Variants in KATNIP observed in about 807,000 individuals in gnomAD.
KATNIP encodes the protein katanin interacting protein.
In KATNIP, 126 loss-of-function variants were observed where a neutral mutation model predicts 174.0. The observed-to-expected ratio is 0.72, with a 90% CI of 0.63 to 0.84. The LOEUF is 0.84. Ranked by LOEUF, KATNIP falls within the 40% of genes least tolerant of loss-of-function variation. The pLI, the probability that KATNIP is intolerant of heterozygous loss-of-function variation, is 0.00. For synonymous variants in KATNIP, 810 were observed against 835.7 expected (o/e 0.97, Z 0.53); for missense variants, 1,958 against 2,109.7 (o/e 0.93, Z 1.41).
chr16:27,581,007 AC>A (rs1284901465), intron 2 of KATNIP, among the ~76,000 whole-genome samples: 1 of 152,126 alleles, frequency 6.6e-6, no homozygotes, highest in Non-Finnish European at 1.5e-5. Context: ...TGGGTGGCTC[AC>A]TTGACCCCAG....
chr16:27,628,904 A>C, intron 4 of KATNIP, 74 bp downstream of exon 4: 36 of 1,467,020 alleles, frequency 2.5e-5, no homozygotes, highest in Non-Finnish European at 3.4e-5. Flanking sequence ...GCAGTGGCTC[A>C]CACCTGTAAT....
chr16:27,551,677 G>A (rs2089375916), intron 1 of KATNIP, among the ~76,000 whole-genome samples: 1 of 152,166 alleles, frequency 6.6e-6, no homozygotes, highest in South Asian at 2.1e-4. Flanking sequence ...TTGAGGTCAG[G>A]AGTTCGAGAC....
chr16:27,767,108 A>G (rs1017395793), intron 20 of KATNIP, among the ~76,000 whole-genome samples: 3 of 152,040 alleles, frequency 2.0e-5, no homozygotes, highest in Non-Finnish European at 4.4e-5. Flanking sequence ...AGGTGACTGA[A>G]TGGGTGCCCT....
intron 10 of KATNIP, 197 bp from the exon 11 acceptor site, chr16:27,701,392 G>A: frequency 1.9e-6 from 1 of 516,946 alleles, no homozygotes; most frequent in Non-Finnish European, 3.6e-6. Context: ...GGAGCGCCCT[G>A]GTCCTCGGAA....
chr16:27,718,252 T>G (rs2143013442), intron 13 of KATNIP: 1 of 151,940 alleles, frequency 6.6e-6, no homozygotes, highest in African/African-American at 2.4e-5. Flanking sequence ...CCTCCTGGGG[T>G]TTCCAAGTGA....
Position 27,740,349 on chromosome 16 carries a change from T to A in KATNIP, c.2052T>A (p.Ser684=), listed in dbSNP as rs2081056908. The A allele has an allele frequency of 6.2e-6, 10 of 1,614,234 alleles. No homozygotes were observed. The highest frequency in any genetic ancestry group is 8.5e-6 in the Non-Finnish European group (10 of 1,180,044). The part of the protein sequence containing the change: ...QGNVSGKRKN[S]TNCRKDSLSQ... ...ATGTGTCTGGCAAAAGAAAGAATTC[T>A]ACTAATTGCAGGAAAGACAGTTTGT... The change falls in exon 15 of 28, where the codon TCT becomes TCA. Residue 684 remains serine, a synonymous_variant. Coordinates refer to ENST00000261588, the MANE Select transcript of KATNIP (RefSeq NM_015202.5).
intron 21 of KATNIP, among the ~76,000 whole-genome samples, 181 bp downstream of exon 21, chr16:27,770,199 C>T (rs562263979): frequency 6.6e-6 from 1 of 152,346 alleles, no homozygotes; most frequent in East Asian, 1.9e-4. Flanking sequence ...AATGGACTTA[C>T]CTTGTCTGGG....
chr16:27,689,989 T>G (rs909084208), intron 8 of KATNIP, among the ~76,000 whole-genome samples: 3 of 152,134 alleles, frequency 2.0e-5, no homozygotes, highest in African/African-American at 4.8e-5. Flanking sequence ...TGATTGCTAA[T>G]GTCCTGTTAG....
intron 6 of KATNIP, among the ~76,000 whole-genome samples, chr16:27,675,420 T>A (rs1223977810): frequency 6.6e-6 from 1 of 152,136 alleles, no homozygotes; most frequent in African/African-American, 2.4e-5. Flanking sequence ...CACAGTCAAA[T>A]CATATCAAAA....
Position 27,769,975 on chromosome 16 carries a change from G to A in KATNIP, c.4090G>A (p.Val1364Met), listed in dbSNP as rs773458630. ...HFDFAQEILF[V>M]DYLRAQLLPQ... ...TGATTTTGCTCAAGAAATCCTCTTC[G>A]TGGACTACCTACGGGCTCAGCTGCT... The change falls in exon 21 of 28, where the codon GTG (valine) becomes ATG (methionine). Residue 1364 changes from valine to methionine, a missense_variant. Val to Met is a conservative substitution (Grantham distance 21). Coordinates refer to ENST00000261588, the MANE Select transcript of KATNIP (RefSeq NM_015202.5). 64 of 1,614,094 alleles carry A rather than the reference G, an allele frequency of 4.0e-5. No homozygotes were observed. The highest frequency in any genetic ancestry group is 6.7e-5 in the East Asian group (3 of 44,902).
intron 14 of KATNIP, among the ~76,000 whole-genome samples, chr16:27,730,780 G>T (rs770389346): frequency 1.3e-4 from 20 of 152,174 alleles, no homozygotes; most frequent in Non-Finnish European, 1.9e-4. Context: ...TTAGGGTTCT[G>T]AGCTTCTGAT....
chr16:27,601,719 A>G (rs1245159992), intron 2 of KATNIP, among the ~76,000 whole-genome samples: 1 of 152,104 alleles, frequency 6.6e-6, no homozygotes, highest in African/African-American at 2.4e-5. Context: ...TTGTCTGTCT[A>G]TCTCTGGCCC....
intron 14 of KATNIP, among the ~76,000 whole-genome samples, chr16:27,725,857 G>T (rs567481559): frequency 6.6e-6 from 1 of 152,240 alleles, no homozygotes; most frequent in South Asian, 2.1e-4. Flanking sequence ...GAGCATCCAG[G>T]CAGGACAGGC....
intron 1 of KATNIP, among the ~76,000 whole-genome samples, chr16:27,556,650 G>A (rs1275029567): frequency 6.6e-6 from 1 of 152,174 alleles, no homozygotes; most frequent in African/African-American, 2.4e-5. Flanking sequence ...ACTGCAAACA[G>A]GTGATGGTTG....
chr16:27,687,003 A>T (rs1042423944), intron 8 of KATNIP, among the ~76,000 whole-genome samples: 11 of 152,182 alleles, frequency 7.2e-5, no homozygotes, highest in African/African-American at 2.7e-4. Context: ...ATTACTACTG[A>T]TTATTATTTT....
rs186994098 is a variant in KATNIP, at chr16:27,661,413, A to G, written c.540+12678A>G. 3.5e-3 allele frequency among the ~76,000 whole-genome samples: 534 copies of G among 151,918 alleles called. 3 individuals are homozygous for G. The highest frequency in any genetic ancestry group is 5.4e-3 in the Non-Finnish European group (364 of 67,970). ...GTTTCTTTCTTTTCTTTTTTTTGAA[A>G]CAGAGTCTCACTCTGTCGCCCAGGC... On this transcript the variant is annotated intron_variant, in intron 6 of 27. Transcript: ENST00000261588.
intron 13 of KATNIP, among the ~76,000 whole-genome samples, chr16:27,713,872 G>T (rs1174443781): frequency 6.3e-5 from 7 of 111,766 alleles, no homozygotes; most frequent in African/African-American, 1.0e-4. Flanking sequence ...CTCAGATTGT[G>T]CCCTTCCCCT....
At chr16:27,731,157 T>A (rs2080664634) in intron 14 of KATNIP, among the ~76,000 whole-genome samples, 1 of 151,994 alleles carries the variant, frequency 6.6e-6, no homozygotes, top group Non-Finnish European at 1.5e-5. Flanking sequence ...CCATACAGTA[T>A]GGGCTGCATT....
rs77164067 is a variant in KATNIP at position 27,729,950 on chromosome 16, C to G, written c.1743+8255C>G. 8.3e-3 allele frequency among the ~76,000 whole-genome samples: 1,268 copies of G among 152,354 alleles called. 51 individuals carry two copies. The highest frequency in any genetic ancestry group is 0.065 in the Admixed American group (991 of 15,296). ...CATCCTTCCCTCCACTGCTCATGGG[C>G]TCAGCCCCTCCTCTCATCAGCAGAG... On this transcript the variant is annotated intron_variant, in intron 14 of 27. Coordinates refer to ENST00000261588, the MANE Select transcript of KATNIP (RefSeq NM_015202.5).
Sources: gnomAD v4.1 joint callset for allele counts (sites outside exome capture counted in the v4.1 genomes callset) on GRCh38, gnomAD v4.1.1 for gene constraint, MANE v1.5 for transcripts, NCBI Gene and HGNC (gene_info 2026-07-23, HGNC 2026-07-21) for gene names.